CCSER1: variants seen among roughly 807,000 people sequenced by gnomAD.
CCSER1 encodes the protein serine-rich coiled-coil domain-containing protein 1.
CCSER1 carries 41 observed loss-of-function variants against 82.0 expected under a neutral mutation model. The ratio of observed to expected loss-of-function variants is 0.50; its 90% confidence interval spans 0.39 to 0.65. The LOEUF (loss-of-function observed/expected upper bound fraction) is 0.65, where lower values mean the gene tolerates loss of function less well. Ranked by LOEUF, CCSER1 falls within the 30% of genes least tolerant of loss-of-function variation. CCSER1 has a pLI of 0.00. For synonymous variants in CCSER1, 414 were observed against 383.9 expected (o/e 1.08, Z -0.92); for missense variants, 1,119 against 1,064.2 (o/e 1.05, Z -0.72).
At chr4:91,207,477 G>A (rs1394264621) in intron 10 of CCSER1, among the ~76,000 whole-genome samples, 1 of 151,734 alleles carries the variant, frequency 6.6e-6, no homozygotes. Context: ...GAGAACACAT[G>A]GTATTTGGTT....
chr4:90,161,490 A>G lies in CCSER1; in HGVS notation c.-42+33659A>G, dbSNP rs533634950. Among the ~76,000 whole-genome samples the G allele has an allele frequency of 1.4e-4, 22 of 152,268 alleles. 1 individual carries two copies. The highest frequency in any genetic ancestry group is 1.3e-3 in the Admixed American group (20 of 15,274). On this transcript the variant is annotated intron_variant, in intron 1 of 10. Coordinates refer to ENST00000509176, the MANE Select transcript of CCSER1 (RefSeq NM_001145065.2). ...TATAATTAATTTAAACAAAATTATGATAATCACTTTAAAACTATTAACCAT... is the reference window on the plus strand; with the variant it reads ...TATAATTAATTTAAACAAAATTATGGTAATCACTTTAAAACTATTAACCAT...
In CCSER1 at chr4:90,806,987, CT is replaced by C. The variant is rs1418547843; in HGVS notation, c.2011-8771del. On this transcript the variant is annotated intron_variant, in intron 7 of 10. Transcript: ENST00000509176. ...CATTTTATTTTATGAATAAAATTAA[CT>C]TTTCTTAAGTGACATATTATGCAAG... Among the ~76,000 whole-genome samples, 9 of 151,390 alleles carry C rather than the reference CT, an allele frequency of 5.9e-5. No individual in the cohort carries two copies. In the South Asian group the frequency reaches 1.9e-3, roughly 32 times the overall value.
intron 7 of CCSER1, among the ~76,000 whole-genome samples, chr4:90,790,198 C>T (rs888549672): frequency 3.3e-5 from 5 of 152,070 alleles, no homozygotes; most frequent in Admixed American, 2.0e-4. Flanking sequence ...TCCTATGCAG[C>T]CTTTTCTTTA....
chr4:90,456,195 T>C (rs946020999), intron 4 of CCSER1, among the ~76,000 whole-genome samples: 7 of 152,134 alleles, frequency 4.6e-5, no homozygotes, highest in Non-Finnish European at 1.0e-4. Flanking sequence ...GGAAAAAACC[T>C]TTTGCCCTGT....
At chr4:90,467,653 A>G (rs1385857287) in intron 4 of CCSER1, among the ~76,000 whole-genome samples, 3 of 152,156 alleles carry the variant, frequency 2.0e-5, no homozygotes, top group Non-Finnish European at 4.4e-5. Context: ...ACTGCACTCC[A>G]CTCTGGGAGA....
At chr4:90,528,028 C>T (rs1774007989) in intron 5 of CCSER1, among the ~76,000 whole-genome samples, 1 of 152,006 alleles carries the variant, frequency 6.6e-6, no homozygotes, top group African/African-American at 2.4e-5. Flanking sequence ...ATGATGATAA[C>T]ATACAAGCAG....
chr4:91,476,131 T>C lies in CCSER1; in HGVS notation c.2218-122441T>C, dbSNP rs185352869. On this transcript the variant is annotated intron_variant, in intron 10 of 10. Coordinates refer to ENST00000509176, the MANE Select transcript of CCSER1 (RefSeq NM_001145065.2). ...TGCAGGTATTGCTTCAATATACTGATTTCCTTTCTTTTGGATACATATTCA... is the reference window on the plus strand; with the variant it reads ...TGCAGGTATTGCTTCAATATACTGACTTCCTTTCTTTTGGATACATATTCA... 1.6e-3 allele frequency among the ~76,000 whole-genome samples: 239 copies of C among 151,958 alleles called. 2 individuals carry two copies. Among genetic ancestry groups the C allele is most frequent in the South Asian group, 6.2e-3 (30 of 4,826 alleles).
At chr4:91,219,784 T>C (rs569434905) in intron 10 of CCSER1, among the ~76,000 whole-genome samples, 1 of 152,284 alleles carries the variant, frequency 6.6e-6, no homozygotes, top group South Asian at 2.1e-4. Context: ...ATAAAAATTA[T>C]GGAGAATATA....
intron 10 of CCSER1, among the ~76,000 whole-genome samples, chr4:91,343,916 A>T (rs1747885037): frequency 6.6e-6 from 1 of 152,208 alleles, no homozygotes; most frequent in Non-Finnish European, 1.5e-5. Context: ...TTAAAATTTG[A>T]GTTTAAGAAA....
chr4:91,531,649 A>C (rs1761035928), intron 10 of CCSER1, among the ~76,000 whole-genome samples: 1 of 152,174 alleles, frequency 6.6e-6, no homozygotes, highest in South Asian at 2.1e-4. Context: ...TTCATTGCTC[A>C]CAGTTCTGGA....
intron 10 of CCSER1, among the ~76,000 whole-genome samples, chr4:91,471,550 C>G (rs1402422557): frequency 6.6e-6 from 1 of 152,082 alleles, no homozygotes; most frequent in Non-Finnish European, 1.5e-5. Context: ...CCCTGAGACA[C>G]GGTCTGCTTG....
chr4:90,892,995 A>T (rs1016211955), intron 8 of CCSER1, among the ~76,000 whole-genome samples: 1 of 152,074 alleles, frequency 6.6e-6, no homozygotes, highest in East Asian at 1.9e-4. Flanking sequence ...AGTTAGTTGT[A>T]TATCTTTTGG....
At chr4:91,576,452 G>A (rs1215557741) in intron 10 of CCSER1, among the ~76,000 whole-genome samples, 5 of 151,982 alleles carry the variant, frequency 3.3e-5, no homozygotes, top group African/African-American at 4.8e-5. Context: ...TTTCAGTTAT[G>A]AGTAAATTCT....
intron 10 of CCSER1, among the ~76,000 whole-genome samples, chr4:91,338,927 GC>G (rs1175041571): frequency 6.6e-6 from 1 of 152,106 alleles, no homozygotes; most frequent in African/African-American, 2.4e-5. Flanking sequence ...TGAAATACAG[GC>G]AGTTTGGCCA....
At chr4:90,642,792 C>T (rs1017623526) in intron 6 of CCSER1, among the ~76,000 whole-genome samples, 3 of 152,056 alleles carry the variant, frequency 2.0e-5, no homozygotes, top group Non-Finnish European at 2.9e-5. Flanking sequence ...GAGTTTGAGG[C>T]TGCAATAAGG....
chr4:90,496,909 C>T lies in CCSER1; in HGVS notation c.1724+28555C>T, dbSNP rs190409946. Among the ~76,000 whole-genome samples the T allele has an allele frequency of 6.1e-5, 8 of 130,424 alleles. No homozygotes were observed. The East Asian group carries it at 1.3e-3, about 21-fold the overall frequency. The allele number at this position is 130,424 out of a possible 152,430, so 85.6% of individuals were successfully genotyped here. A position where few individuals can be genotyped will look rare whatever the true frequency, so the allele number is the denominator to read the frequency against. Reference sequence around the variant, plus strand: ...AGGAGAATCGCTTGAACCCAGGAGGCGGAGGTTGCAGTGAACCGAGATTGT... The same window carrying T: ...AGGAGAATCGCTTGAACCCAGGAGGTGGAGGTTGCAGTGAACCGAGATTGT... On this transcript the variant is annotated intron_variant, in intron 5 of 10. Coordinates refer to ENST00000509176, the MANE Select transcript of CCSER1 (RefSeq NM_001145065.2).
chr4:91,098,749 G>A (rs1285932092), intron 10 of CCSER1, among the ~76,000 whole-genome samples: 3 of 152,078 alleles, frequency 2.0e-5, no homozygotes, highest in Admixed American at 1.3e-4. Context: ...CACCATGTTA[G>A]CCAGGGTGGT....
rs1303954331 is a variant in CCSER1 at position 91,541,627 on chromosome 4, CTGA to C, written c.2218-56942_2218-56940del. Among the ~76,000 whole-genome samples, 3 of 152,262 alleles carry C rather than the reference CTGA, an allele frequency of 2.0e-5. No homozygotes were observed. In the East Asian group the frequency reaches 5.8e-4, roughly 29 times the overall value. ...CACATTTTCTTAATCCAGTCTATCA[CTGA>C]TGGACATTTGAGTTGGTTCCAAATC... is the stretch of plus-strand genomic sequence containing the variant. On this transcript the variant is annotated intron_variant, in intron 10 of 10. Coordinates refer to ENST00000509176, the MANE Select transcript of CCSER1 (RefSeq NM_001145065.2).
At chr4:90,767,513 C>G (rs1177660309) in intron 7 of CCSER1, among the ~76,000 whole-genome samples, 1 of 152,098 alleles carries the variant, frequency 6.6e-6, no homozygotes, top group East Asian at 1.9e-4. Context: ...GCCTTGTGAA[C>G]TTAAAAGGCA....
Sources: allele counts gnomAD v4.1 joint callset (sites outside exome capture counted in the v4.1 genomes callset), GRCh38; gene constraint gnomAD v4.1.1; transcripts MANE v1.5; gene names NCBI Gene and HGNC (gene_info 2026-07-23, HGNC 2026-07-21).